The following XKR4 variants were observed in gnomAD, a reference collection of about 807,000 sequenced individuals.
XKR4 encodes the protein XK related 4, also known as XK-related protein 4.
Under a neutral mutation model 53.9 loss-of-function variants are expected in XKR4, and 12 were observed. The observed-to-expected ratio is 0.22, with a 90% CI of 0.14 to 0.36. The LOEUF is 0.36. Among genes scored for constraint, XKR4 ranks in the 10% least tolerant of loss-of-function variants. The pLI is 1.00. For synonymous variants in XKR4, 354 were observed against 362.4 expected, an observed-to-expected ratio of 0.98 and a Z score of 0.26; for missense variants, 799 against 859.5, an observed-to-expected ratio of 0.93 and a Z score of 0.88.
intron 2 of XKR4, among the ~76,000 whole-genome samples, chr8:55,479,521 C>G (rs1192544281): frequency 6.6e-6 from 1 of 151,966 alleles, no homozygotes; most frequent in Non-Finnish European, 1.5e-5. Context: ...CATTCAAAAG[C>G]TAGCAGAAGG....
intron 1 of XKR4, among the ~76,000 whole-genome samples, chr8:55,233,279 A>G (rs1018404830): frequency 6.6e-6 from 1 of 152,224 alleles, no homozygotes; most frequent in Non-Finnish European, 1.5e-5. Context: ...GTTTTCTACA[A>G]TGAATAAAAT....
intron 1 of XKR4, among the ~76,000 whole-genome samples, chr8:55,218,406 A>G (rs1817833459): frequency 6.6e-6 from 1 of 152,252 alleles, no homozygotes; most frequent in Admixed American, 6.5e-5. Context: ...TAAATGCTCT[A>G]AAATTTAAGT....
At chr8:55,420,708 C>G in intron 2 of XKR4, among the ~76,000 whole-genome samples, 1 of 151,556 alleles carries the variant, frequency 6.6e-6, no homozygotes, top group South Asian at 2.1e-4. Flanking sequence ...GTGGGTGCAG[C>G]GCACCAGCAT....
intron 1 of XKR4, among the ~76,000 whole-genome samples, chr8:55,194,625 C>T (rs1817482047): frequency 6.6e-6 from 1 of 152,152 alleles, no homozygotes; most frequent in Non-Finnish European, 1.5e-5. Flanking sequence ...CATTTGCTTC[C>T]TTATATATTG....
chr8:55,353,237 T>G (rs990160494), intron 1 of XKR4, among the ~76,000 whole-genome samples: 2 of 152,218 alleles, frequency 1.3e-5, no homozygotes, highest in Admixed American at 1.3e-4. Flanking sequence ...TGTGACCTTA[T>G]TTTGGAAATA....
intron 1 of XKR4, among the ~76,000 whole-genome samples, chr8:55,197,619 C>T (rs1395133365): frequency 2.0e-5 from 3 of 151,672 alleles, no homozygotes; most frequent in African/African-American, 7.3e-5. Flanking sequence ...TCTCGGCTCA[C>T]TGCAACCTCC....
chr8:55,305,862 T>C (rs536436065), intron 1 of XKR4, among the ~76,000 whole-genome samples: 1 of 152,238 alleles, frequency 6.6e-6, no homozygotes, highest in African/African-American at 2.4e-5. Flanking sequence ...AAAATAAAAC[T>C]CTTTCCTACC....
chr8:55,364,449 T>A (rs1803944935), intron 2 of XKR4, among the ~76,000 whole-genome samples: 1 of 152,200 alleles, frequency 6.6e-6, no homozygotes, highest in Non-Finnish European at 1.5e-5. Context: ...TTCTCCCCGA[T>A]GCCCCTCAGG....
intron 1 of XKR4, among the ~76,000 whole-genome samples, chr8:55,175,397 C>T (rs933054293): frequency 6.6e-6 from 1 of 152,196 alleles, no homozygotes; most frequent in Non-Finnish European, 1.5e-5. Context: ...TAAACTTCAG[C>T]TTCCAAAGAC....
chr8:55,232,043 A>T (rs1818049302), intron 1 of XKR4, among the ~76,000 whole-genome samples: 1 of 152,224 alleles, frequency 6.6e-6, no homozygotes, highest in African/African-American at 2.4e-5. Context: ...TGGGCTCCTA[A>T]AAGAAAGACA....
intron 1 of XKR4, among the ~76,000 whole-genome samples, chr8:55,182,931 T>C (rs1817329812): frequency 6.6e-6 from 1 of 152,082 alleles, no homozygotes; most frequent in Non-Finnish European, 1.5e-5. Flanking sequence ...TCCATGAACA[T>C]GGTATCTCTC....
chr8:55,109,696 C>G (rs993448739), intron 1 of XKR4, among the ~76,000 whole-genome samples: 5 of 152,134 alleles, frequency 3.3e-5, no homozygotes, highest in African/African-American at 1.2e-4. Context: ...GTTTACTTCA[C>G]AAGGGTAAAT....
rs575816488 is a variant in XKR4, at chr8:55,265,977, A to G, written c.807-91701A>G. The stretch of plus-strand genomic sequence containing the variant: ...TCCAGCCTGGCTGGAGTGAAACTCC[A>G]TCTCAAAAAATAAATAAATATATAA... On this transcript the variant is annotated intron_variant, in intron 1 of 2. Transcript: ENST00000327381. Among the ~76,000 whole-genome samples, 58 of 151,284 alleles carry G rather than the reference A, an allele frequency of 3.8e-4. 3 individuals carry two copies. In the South Asian group the frequency reaches 0.012, roughly 31 times the overall value.
chr8:55,409,739 C>G (rs531215678), intron 2 of XKR4, among the ~76,000 whole-genome samples: 2 of 151,968 alleles, frequency 1.3e-5, no homozygotes, highest in South Asian at 4.2e-4. Flanking sequence ...ATGGCATAAA[C>G]ACTGAAAATA....
intron 1 of XKR4, among the ~76,000 whole-genome samples, chr8:55,310,769 C>T (rs1409713288): frequency 6.6e-6 from 1 of 152,196 alleles, no homozygotes; most frequent in Admixed American, 6.5e-5. Flanking sequence ...TTGAGTTCCT[C>T]AGAAGCCGAC....
intron 1 of XKR4, among the ~76,000 whole-genome samples, chr8:55,201,640 G>A (rs1817578116): frequency 6.6e-6 from 1 of 152,152 alleles, no homozygotes; most frequent in Non-Finnish European, 1.5e-5. Context: ...TGACTTAAGT[G>A]GGGAGCTTTG....
intron 1 of XKR4, among the ~76,000 whole-genome samples, chr8:55,133,177 C>G (rs555655939): frequency 6.6e-6 from 1 of 152,148 alleles, no homozygotes; most frequent in African/African-American, 2.4e-5. Flanking sequence ...TAATGGAAAA[C>G]AGCCACAAAC....
chr8:55,265,032 G>C lies in XKR4; in HGVS notation c.807-92646G>C, dbSNP rs73682935. 3.7e-3 allele frequency among the ~76,000 whole-genome samples: 559 copies of C among 152,278 alleles called. 5 individuals are homozygous for C. Among genetic ancestry groups the C allele is most frequent in the African/African-American group, 0.012 (506 of 41,562 alleles). ...CATCATCTTAAATTATGACTTTGAA[G>C]CATTTCTTTTGACCACTGTGTTCGC... On this transcript the variant is annotated intron_variant, in intron 1 of 2. Coordinates refer to ENST00000327381, the MANE Select transcript of XKR4 (RefSeq NM_052898.2).
chr8:55,141,328 T>C (rs773918843), intron 1 of XKR4, among the ~76,000 whole-genome samples: 1 of 152,266 alleles, frequency 6.6e-6, no homozygotes, highest in African/African-American at 2.4e-5. Flanking sequence ...TCTTCCCCTG[T>C]GTCCTGTCCC....
Sources: allele counts gnomAD v4.1 joint callset (sites outside exome capture counted in the v4.1 genomes callset), GRCh38; gene constraint gnomAD v4.1.1; transcripts MANE v1.5; gene names NCBI Gene and HGNC (gene_info 2026-07-23, HGNC 2026-07-21).